The following COG1 variants were observed in gnomAD, a reference collection of about 807,000 sequenced individuals.
The protein encoded by COG1 is component of oligomeric golgi complex 1.
COG1 carries 61 observed loss-of-function variants against 102.2 expected under a neutral mutation model. That is an observed-to-expected ratio of 0.60 (90% CI 0.49 to 0.74). The LOEUF is 0.74. Ranked by LOEUF, COG1 falls within the 30% of genes least tolerant of loss-of-function variation. COG1 has a pLI of 0.00. For synonymous variants in COG1, 454 were observed against 493.6 expected (o/e 0.92, Z 1.06); for missense variants, 1,164 against 1,232.1 (o/e 0.94, Z 0.83).
chr17:73,204,842 C>G (rs552560101), intron 9 of COG1, among the ~76,000 whole-genome samples: 24 of 152,302 alleles, frequency 1.6e-4, no homozygotes, highest in Middle Eastern at 3.4e-3. Context: ...TGGGCAGGAG[C>G]CATCACGCCT....
At position 73,196,967 on chromosome 17, in the gene COG1, G is replaced by A. The variant is rs567533944; in HGVS notation, c.628G>A (p.Glu210Lys). 2.2e-5 allele frequency: 36 copies of A among 1,614,048 alleles called. No individual in the cohort carries two copies. The highest frequency in any genetic ancestry group is 6.6e-5 in the South Asian group (6 of 91,078). The change falls in exon 3 of 14, where the codon GAG becomes AAG. Residue 210 changes from glutamate (E) to lysine (K), a missense_variant. Physicochemically the swap from Glu to Lys is moderately conservative, Grantham distance 56. Coordinates refer to ENST00000299886, the MANE Select transcript of COG1 (RefSeq NM_018714.3). Reference protein sequence around the residue: ...CQGVSDQAVAEALCSIMLLEE... With the variant: ...CQGVSDQAVAKALCSIMLLEE... ...AGGTGTGTCTGACCAAGCTGTGGCC[G>A]AGGCCCTGTGCTCTATAATGCTCTT...
chr17:73,206,702 T>C lies in COG1; in HGVS notation c.2620-6T>C. 2 of 1,601,900 alleles carry C rather than the reference T, an allele frequency of 1.2e-6. No homozygotes were observed. Among genetic ancestry groups the C allele is most frequent in the Non-Finnish European group, 1.7e-6 (2 of 1,169,932 alleles). ...TGAAACCTCTGCTCCACCTCTTGTC[T>C]GCCAGGTTCTGTTTGGATTGGTGAC... On this transcript the variant is annotated splice_polypyrimidine_tract_variant and splice_region_variant and intron_variant, in intron 11 of 13. Transcript: ENST00000299886.
intron 6 of COG1, 121 bp from the exon 7 acceptor site, chr17:73,200,988 A>G (rs1599326733): frequency 9.9e-7 from 1 of 1,014,424 alleles, no homozygotes; most frequent in Non-Finnish European, 1.5e-6. Flanking sequence ...TGCCAACACC[A>G]TGCCATCTTT....
chr17:73,203,703 G>C lies in COG1; in HGVS notation c.2292G>C (p.Leu764Phe). 1 of 1,614,212 alleles carries C rather than the reference G, an allele frequency of 6.2e-7. No individual in the cohort carries two copies. The highest frequency in any genetic ancestry group is 8.5e-7 in the Non-Finnish European group (1 of 1,180,018). The change falls in exon 9 of 14, where the codon TTG (leucine) becomes TTC (phenylalanine). Residue 764 changes from leucine to phenylalanine, a missense_variant. Leu to Phe is a conservative substitution (Grantham distance 22). Transcript: ENST00000299886. ...QEINRVGGHA[L>F]PKVTLQEMLK... ...TTAATCGGGTTGGAGGCCATGCCTT[G>C]CCAAAGGTGACATTACAGGAGATGC...
intron 12 of COG1, 56 bp downstream of exon 12, chr17:73,206,873 TC>T: frequency 1.6e-6 from 2 of 1,226,964 alleles, no homozygotes; most frequent in South Asian, 2.4e-5. Context: ...GGTGGACGGA[TC>T]ACGTCAGGAG....
intron 8 of COG1, 90 bp from the exon 9 acceptor site, chr17:73,203,542 A>G: frequency 1.3e-6 from 2 of 1,481,920 alleles, no homozygotes; most frequent in East Asian, 4.5e-5. Context: ...GTCCTGGCAC[A>G]TAGGCCTTGT....
intron 9 of COG1, among the ~76,000 whole-genome samples, chr17:73,204,413 TAGAG>T (rs144893608): frequency 0.026 from 4,000 of 152,228 alleles, 185 homozygotes; most frequent in African/African-American, 0.09. Flanking sequence ...TGTGGGGAGT[TAGAG>T]AGAACAGTTG....
chr17:73,206,653 TTTGC>T, intron 11 of COG1, 51 bp from the exon 12 acceptor site: 2 of 1,169,514 alleles, frequency 1.7e-6, no homozygotes, highest in Middle Eastern at 2.0e-4. Context: ...TTTTTTTTTT[TTTGC>T]CTTTCTTTTA....
In COG1 at chr17:73,203,119, C is replaced by G; in HGVS notation, c.2193C>G (p.Val731=). ...AGGAGGCAGAGTCTGGCAGCAGTGT[C>G]ACATCCAAGATCCGACTCCCTGCAC... The part of the protein sequence containing the change: ...IQEEAESGSS[V]TSKIRLPAQP... Residue 731 remains valine (V), a synonymous_variant, in exon 8 of 14, where the codon GTC becomes GTG. Transcript: ENST00000299886. 1 of 1,614,168 alleles carries G rather than the reference C, an allele frequency of 6.2e-7. No individual in the cohort carries two copies. Among genetic ancestry groups the G allele is most frequent in the Non-Finnish European group, 8.5e-7 (1 of 1,180,032 alleles).
chr17:73,207,511 A>G (rs2061383802), intron 13 of COG1: 2 of 604,218 alleles, frequency 3.3e-6, no homozygotes, highest in Non-Finnish European at 5.8e-6. Flanking sequence ...CAGGGTGGAG[A>G]TGAGCTCTTG....
chr17:73,194,162 G>A (rs1296951288), intron 1 of COG1, among the ~76,000 whole-genome samples: 3 of 136,538 alleles, frequency 2.2e-5, no homozygotes, highest in Non-Finnish European at 5.0e-5. Flanking sequence ...ATTTTTATTG[G>A]CCGGGTGCGG....
At chr17:73,198,177 C>T (rs528274919) in intron 4 of COG1, among the ~76,000 whole-genome samples, 17 of 51,708 alleles carry the variant, frequency 3.3e-4, no homozygotes, top group East Asian at 1.3e-3. Context: ...ACAATAGAGA[C>T]GGAGCTAATT....
chr17:73,201,613 G>A lies in COG1; in HGVS notation c.1786G>A (p.Val596Met). The A allele has an allele frequency of 6.2e-7, 1 of 1,614,192 alleles. No individual in the cohort carries two copies. The highest frequency in any genetic ancestry group is 8.5e-7 in the Non-Finnish European group (1 of 1,180,046). The change falls in exon 7 of 14, where the codon GTG becomes ATG. Residue 596 changes from valine (V) to methionine (M), a missense_variant. By Grantham distance (21) the Val-to-Met change is conservative. Coordinates refer to ENST00000299886, the MANE Select transcript of COG1 (RefSeq NM_018714.3). ...AGAGCTACAGAGCATTGAAGAGGGT[G>A]TGCAAGGGCAACAGGATGCCCTCAA... ...RAELQSIEEG[V>M]QGQQDALNSA... is the part of the protein sequence containing the mutation.
Position 73,199,975 on chromosome 17 carries a change from A to G in COG1, c.1024A>G (p.Ile342Val), listed in dbSNP as rs761212185. The G allele has an allele frequency of 2.5e-6, 4 of 1,613,950 alleles. No homozygotes were observed. In the East Asian group the frequency reaches 6.7e-5, roughly 27 times the overall value. ...QPTLRTLAHP[I>V]SQEYLKDTLQ... ...AACACTCCGAACCCTTGCACATCCC[A>G]TCAGTCAGGAATACCTGAAAGACAC... The change falls in exon 5 of 14, where the codon ATC (isoleucine) becomes GTC (valine). Residue 342 changes from isoleucine (I) to valine (V), a missense_variant. By Grantham distance (29) the Ile-to-Val change is conservative. Coordinates refer to ENST00000299886, the MANE Select transcript of COG1 (RefSeq NM_018714.3).
At chr17:73,201,950 C>A in intron 7 of COG1, 50 bp downstream of exon 7, 1 of 1,540,892 alleles carries the variant, frequency 6.5e-7, no homozygotes, top group Non-Finnish European at 8.9e-7. Flanking sequence ...CTGTCATATT[C>A]CAGTCTTGCC....
chr17:73,204,554 CTTTT>C (rs575425786), intron 9 of COG1, among the ~76,000 whole-genome samples: 9 of 95,882 alleles, frequency 9.4e-5, no homozygotes, highest in African/African-American at 1.2e-4. Context: ...TCATTAGTAA[CTTTT>C]TTTTTTTTTT....
intron 10 of COG1, chr17:73,205,927 T>G: frequency 4.5e-6 from 3 of 672,724 alleles, no homozygotes; most frequent in Non-Finnish European, 2.6e-6. Context: ...CTGAGTATCA[T>G]TTGAGCCCTT....
Position 73,201,903 on chromosome 17 carries a change from G to A in COG1, c.2073+3G>A. 1 of 1,613,660 alleles carries A rather than the reference G, an allele frequency of 6.2e-7. No homozygotes were observed. The highest frequency in any genetic ancestry group is 8.5e-7 in the Non-Finnish European group (1 of 1,179,732). The stretch of plus-strand genomic sequence containing the variant: ...TCTGGAGCAGTGCAGTTGTGAAAGT[G>A]AGTGATGTAATTTCTTATCCCTGTC... On this transcript the variant is annotated splice_donor_region_variant and intron_variant, in intron 7 of 13. Transcript: ENST00000299886.
Position 73,197,062 on chromosome 17 carries a change from T to G in COG1, c.723T>G (p.Leu241=). 6.2e-7 allele frequency: 1 copy of G among 1,614,078 alleles called. No homozygotes were observed. ...LLARKATIQK[L]LNQPHHGAGI... ...CCAGAAAGGCAACTATTCAGAAACT[T>G]CTCAACCAGCCACACCATGGTGGGT... Residue 241 remains leucine, a synonymous_variant, in exon 3 of 14, where the codon CTT becomes CTG. Transcript: ENST00000299886.
Sources: allele counts gnomAD v4.1 joint callset (sites outside exome capture counted in the v4.1 genomes callset), GRCh38; gene constraint gnomAD v4.1.1; transcripts MANE v1.5; gene names NCBI Gene and HGNC (gene_info 2026-07-23, HGNC 2026-07-21).